Variants in DMD observed in about 807,000 individuals in gnomAD.
DMD encodes the protein dystrophin.
In DMD, 63 loss-of-function variants were observed where a neutral mutation model predicts 330.1. The observed-to-expected ratio is 0.19, with a 90% CI of 0.16 to 0.24. The LOEUF is 0.24. Among genes scored for constraint, DMD ranks in the 10% least tolerant of loss-of-function variants. The probability of loss-of-function intolerance (pLI) is 1.00; values close to 1 mark genes in which losing one functional copy is unlikely to be tolerated. For synonymous variants in DMD, 1,223 were observed against 959.8 expected (o/e 1.27, Z -5.07); for missense variants, 3,344 against 2,684.1 (o/e 1.25, Z -5.43).
chrX:32,234,206 G>A (rs1178833512), intron 43 of DMD, among the ~76,000 whole-genome samples: 1 of 111,182 alleles, frequency 9.0e-6, no homozygotes, highest in Non-Finnish European at 1.9e-5. Flanking sequence ...TTGAAAGGAA[G>A]GTTTTAGTTA....
rs7889302 is a variant in DMD at position 32,783,593 on chromosome X, T to C, written c.649+25900A>G. On this transcript the variant is annotated intron_variant, in intron 7 of 78. Transcript: ENST00000357033. ...ACATAATTTATCTATATAACAAAAA[T>C]GCATGTGTAACCCTGAACCTAGAAA... Among the ~76,000 whole-genome samples the C allele has an allele frequency of 5.6e-3, 618 of 110,248 alleles. 2 individuals carry two copies. The highest frequency in any genetic ancestry group is 0.019 in the African/African-American group (582 of 30,489).
In DMD at chrX:32,528,914, T is replaced by C. The variant is rs1268477108; in HGVS notation, c.2169-10783A>G. Among the ~76,000 whole-genome samples, 5 of 101,921 alleles carry C rather than the reference T, an allele frequency of 4.9e-5. No individual in the cohort carries two copies. In the South Asian group the frequency reaches 1.4e-3, roughly 29 times the overall value. The allele number at this position is 101,921 out of a possible 115,157, so 88.5% of individuals were successfully genotyped here. On this transcript the variant is annotated intron_variant, in intron 17 of 78. Transcript: ENST00000357033. ...CCAAACCAATGTATTTCTTTTTTTT[T>C]TTTTTTTTTTTAATTTTATTTTTTT...
intron 53 of DMD, among the ~76,000 whole-genome samples, chrX:31,670,851 C>G (rs2081726090): frequency 9.0e-6 from 1 of 111,322 alleles, no homozygotes; most frequent in South Asian, 3.8e-4. Context: ...TTGCAGATAC[C>G]TGGGCTCAGG....
rs185120335 is a variant in DMD at position 32,087,439 on chromosome X, G to A, written c.6439-118925C>T. Among the ~76,000 whole-genome samples, 446 of 111,334 alleles carry A rather than the reference G, an allele frequency of 4.0e-3. 4 individuals carry two copies. Among genetic ancestry groups the A allele is most frequent in the Admixed American group, 0.012 (120 of 10,417 alleles). ...ATCTTTGAGTATCATTAAAGGACCC[G>A]CACAGGTACATCATTTTAATGACTT... On this transcript the variant is annotated intron_variant, in intron 44 of 78. Coordinates refer to ENST00000357033, the MANE Select transcript of DMD (RefSeq NM_004006.3).
chrX:33,237,433 CAG>C (rs1335249766), intron 1 of DMD, among the ~76,000 whole-genome samples: 1 of 109,759 alleles, frequency 9.1e-6, no homozygotes, highest in African/African-American at 3.3e-5. Flanking sequence ...TTAGTAGAGA[CAG>C]AGTTTCACCA....
chrX:31,294,303 T>C (rs1457883320), intron 62 of DMD, among the ~76,000 whole-genome samples: 1 of 111,457 alleles, frequency 9.0e-6, no homozygotes, highest in Non-Finnish European at 1.9e-5. Context: ...ACTCAAACAT[T>C]CCATGGGATA....
chrX:32,197,000 A>C (rs560916154), intron 44 of DMD, among the ~76,000 whole-genome samples: 14 of 93,917 alleles, frequency 1.5e-4, no homozygotes, highest in South Asian at 9.1e-4. Flanking sequence ...AAAAAAAAAA[A>C]AAAAACAAAA....
At chrX:33,129,325 C>CTTTTTTTTTTTTTTTTTTT (rs58505662) in intron 1 of DMD, among the ~76,000 whole-genome samples, 1 of 30,720 alleles carries the variant, frequency 3.3e-5, no homozygotes, top group Non-Finnish European at 5.2e-5. Flanking sequence ...TTAAGGTTTG[C>CTTTTTTTTTTTTTTTTTTT]TTTTTTTTTT....
At chrX:31,811,778 G>A (rs966421794) in intron 50 of DMD, among the ~76,000 whole-genome samples, 3 of 111,272 alleles carry the variant, frequency 2.7e-5, no homozygotes, top group African/African-American at 6.5e-5. Flanking sequence ...TTGGCCTCAC[G>A]GAAATTTATT....
chrX:31,335,831 T>C (rs1314687000), intron 61 of DMD, among the ~76,000 whole-genome samples: 1 of 111,867 alleles, frequency 8.9e-6, no homozygotes, highest in Non-Finnish European at 1.9e-5. Context: ...TCTAAGGCAA[T>C]GATTAGAGAG....
chrX:33,027,860 G>C (rs752845904), intron 1 of DMD, among the ~76,000 whole-genome samples: 1 of 111,913 alleles, frequency 8.9e-6, no homozygotes, highest in African/African-American at 3.2e-5. Context: ...AAAATCAAAA[G>C]AGCAGGTGAA....
At chrX:32,908,535 C>A (rs1175145016) in intron 2 of DMD, among the ~76,000 whole-genome samples, 1 of 111,876 alleles carries the variant, frequency 8.9e-6, no homozygotes, top group Non-Finnish European at 1.9e-5. Flanking sequence ...GATCCTGTAT[C>A]GTCATATTGG....
intron 12 of DMD, among the ~76,000 whole-genome samples, chrX:32,599,632 T>C (rs749645360): frequency 2.1e-5 from 2 of 97,241 alleles, no homozygotes; most frequent in Non-Finnish European, 4.6e-5. Flanking sequence ...ACAAAAATGT[T>C]TGTCTGTCAG....
chrX:31,428,963 T>TA (rs951124524), intron 60 of DMD, among the ~76,000 whole-genome samples: 6 of 108,310 alleles, frequency 5.5e-5, no homozygotes, highest in East Asian at 5.8e-4. Context: ...CTACTAAAAA[T>TA]AAAAAAAAAC....
At chrX:32,682,464 C>A (rs1569450636) in intron 9 of DMD, among the ~76,000 whole-genome samples, 1 of 111,443 alleles carries the variant, frequency 9.0e-6, no homozygotes, top group Non-Finnish European at 1.9e-5. Context: ...TCCCCCAAAG[C>A]CTTTTATTGC....
intron 1 of DMD, among the ~76,000 whole-genome samples, chrX:33,258,602 G>T (rs2052897735): frequency 9.0e-6 from 1 of 111,091 alleles, no homozygotes; most frequent in African/African-American, 3.3e-5. Context: ...TGCTTTGATG[G>T]TAAAACGACT....
At chrX:32,335,615 A>AAACATGTTACATACATAACATATACAT (rs2097703583) in intron 41 of DMD, among the ~76,000 whole-genome samples, 1 of 106,932 alleles carries the variant, frequency 9.4e-6, no homozygotes, top group Non-Finnish European at 1.9e-5. Flanking sequence ...ATTATAAAAC[A>AAACATGTTACATACATAACATATACAT]AACATGTTAT....
At chrX:31,209,254 A>T (rs753947300) in intron 65 of DMD, among the ~76,000 whole-genome samples, 56 of 111,710 alleles carry the variant, frequency 5.0e-4, no homozygotes, top group African/African-American at 1.8e-3. Flanking sequence ...TCATTCCACT[A>T]TTTGCAAAAT....
At chrX:31,213,739 C>T (rs1029464345) in intron 64 of DMD, among the ~76,000 whole-genome samples, 17 of 112,086 alleles carry the variant, frequency 1.5e-4, no homozygotes, top group Admixed American at 2.8e-4. Context: ...CAATTGAACC[C>T]TGTTTAACTT....
Sources: allele counts gnomAD v4.1 joint callset (sites outside exome capture counted in the v4.1 genomes callset), GRCh38; gene constraint gnomAD v4.1.1; transcripts MANE v1.5; gene names NCBI Gene and HGNC (gene_info 2026-07-23, HGNC 2026-07-21).